DPH5: variants seen among roughly 807,000 people sequenced by gnomAD.
DPH5 encodes diphthine methyl ester synthase.
In DPH5, 31 loss-of-function variants were observed where a neutral mutation model predicts 31.6. That is an observed-to-expected ratio of 0.98 (90% CI 0.74 to 1.32). The LOEUF is 1.32. Ranked by LOEUF, DPH5 falls within the 40% of genes most tolerant of loss-of-function variation. The pLI is 0.00. For missense variants in DPH5, 309 were observed against 335.7 expected (o/e 0.92, Z 0.62); for synonymous variants, 120 against 115.0 (o/e 1.04, Z -0.28).
intron 4 of DPH5, among the ~76,000 whole-genome samples, chr1:101,011,047 A>T (rs1189897216): frequency 2.0e-5 from 3 of 152,204 alleles, no homozygotes; most frequent in African/African-American, 7.2e-5. Context: ...ATAAATACTA[A>T]GTCTGAGAAC....
At chr1:101,013,652 G>T in intron 4 of DPH5, 58 bp downstream of exon 4, 1 of 1,150,068 alleles carries the variant, frequency 8.7e-7, no homozygotes, top group South Asian at 1.5e-5. Flanking sequence ...TTTTCAATTT[G>T]TGGAAAAATA....
In DPH5 at chr1:101,002,784, C is replaced by T. The variant is rs184366893; in HGVS notation, c.370-1197G>A. Among the ~76,000 whole-genome samples the T allele has an allele frequency of 6.3e-3, 956 of 152,148 alleles. 15 individuals are homozygous for T. The highest frequency in any genetic ancestry group is 0.02 in the African/African-American group (830 of 41,510). ...AGCAAGGATTAGTCATCCTCTGCTT[C>T]CAGTAGCCTAAGGCTTTTCAAATCA... On this transcript the variant is annotated intron_variant, in intron 4 of 7. Coordinates refer to ENST00000370109, the MANE Select transcript of DPH5 (RefSeq NM_015958.3).
Position 101,021,778 on chromosome 1 carries a change from G to A in DPH5, c.136-13C>T, listed in dbSNP as rs185104869. 53 of 1,585,692 alleles carry A rather than the reference G, an allele frequency of 3.3e-5. No homozygotes were observed. In the East Asian group the frequency reaches 1.2e-3, roughly 36 times the overall value. On this transcript the variant is annotated splice_polypyrimidine_tract_variant and intron_variant, in intron 2 of 7. Coordinates refer to ENST00000370109, the MANE Select transcript of DPH5 (RefSeq NM_015958.3). ...CATAAAACTCTTCCTACAGATATAA[G>A]TCCAATATCAAGATAAAGAGACAGC...
chr1:101,024,972 C>T (rs925030773), intron 2 of DPH5: 79 of 217,726 alleles, frequency 3.6e-4, no homozygotes, highest in African/African-American at 1.8e-3. Context: ...GCTGTGTCAG[C>T]TCCTCATTAG....
At chr1:100,999,717 T>C (rs1398462599) in intron 5 of DPH5, among the ~76,000 whole-genome samples, 2 of 151,972 alleles carry the variant, frequency 1.3e-5, no homozygotes, top group African/African-American at 4.8e-5. Flanking sequence ...CAGGCACCTG[T>C]AATCCCAGTT....
intron 6 of DPH5, among the ~76,000 whole-genome samples, chr1:100,993,421 G>A (rs1287994989): frequency 2.7e-5 from 4 of 150,856 alleles, no homozygotes; most frequent in Non-Finnish European, 5.9e-5. Flanking sequence ...GCTTGGTGGC[G>A]CACGCCTGTA....
Position 101,021,854 on chromosome 1 carries a change from AC to A in DPH5, c.136-90del, listed in dbSNP as rs1660479667. Reference sequence around the variant, plus strand: ...CACACACACACACACACACACACACACACACTCTTTGTTTGGGACTGGTGCA... The same window carrying A: ...CACACACACACACACACACACACACAACACTCTTTGTTTGGGACTGGTGCA... On this transcript the variant is annotated intron_variant, in intron 2 of 7. Coordinates refer to ENST00000370109, the MANE Select transcript of DPH5 (RefSeq NM_015958.3). 5.3e-6 allele frequency: 6 copies of A among 1,124,912 alleles called. No homozygotes were observed. In the African/African-American group the frequency reaches 9.9e-5, roughly 19 times the overall value. The allele number at this position is 1,124,912 out of a possible 1,614,324, so 69.7% of individuals were successfully genotyped here.
At chr1:101,014,949 C>G (rs74106949) in intron 3 of DPH5, among the ~76,000 whole-genome samples, 17,297 of 152,214 alleles carry the variant, frequency 0.11, 1,036 homozygotes, top group Middle Eastern at 0.2. Context: ...TCCTTCATAT[C>G]TTCAGGCTCC....
intron 5 of DPH5, among the ~76,000 whole-genome samples, chr1:100,998,904 G>A (rs1658616486): frequency 1.3e-5 from 2 of 152,166 alleles, no homozygotes; most frequent in Admixed American, 1.3e-4. Flanking sequence ...AAAGGGGGCA[G>A]GCAGCAAATA....
rs1657539682 is a variant in DPH5, at chr1:100,990,208, A to G, written c.*200T>C. The stretch of plus-strand genomic sequence containing the variant: ...CCAGTAGGGGAAATGCCAGGCACTT[A>G]TAAAACCATCAGATCTCATGAAAGC... On this transcript the variant is annotated 3_prime_UTR_variant, in exon 8 of 8. Transcript: ENST00000370109. 1 of 578,070 alleles carries G rather than the reference A, an allele frequency of 1.7e-6. No individual in the cohort carries two copies. The highest frequency in any genetic ancestry group is 3.1e-5 in the Admixed American group (1 of 32,402). The allele number at this position is 578,070 out of a possible 1,614,324, so 35.8% of individuals were successfully genotyped here.
At chr1:101,008,354 G>GAA (rs1659385938) in intron 4 of DPH5, among the ~76,000 whole-genome samples, 1 of 152,146 alleles carries the variant, frequency 6.6e-6, no homozygotes, top group Admixed American at 6.5e-5. Context: ...ATACATCATG[G>GAA]TGTGGTTTGA....
intron 2 of DPH5, chr1:101,022,959 C>A (rs368583477): frequency 6.6e-6 from 1 of 152,286 alleles, no homozygotes; most frequent in African/African-American, 2.4e-5. Flanking sequence ...CTTTGGAGGC[C>A]GAGGCAGGTG....
At chr1:100,998,313 C>T (rs1395876299) in intron 5 of DPH5, among the ~76,000 whole-genome samples, 2 of 151,982 alleles carry the variant, frequency 1.3e-5, no homozygotes, top group African/African-American at 2.4e-5. Context: ...GGGTTTGAGA[C>T]CAGCCTGGTT....
chr1:100,992,132 T>C (rs910666780), intron 7 of DPH5, among the ~76,000 whole-genome samples: 1 of 151,864 alleles, frequency 6.6e-6, no homozygotes, highest in African/African-American at 2.4e-5. Context: ...TAAAGATTTA[T>C]TGACAATAAA....
At chr1:100,997,102 G>A (rs1271407707) in intron 5 of DPH5, among the ~76,000 whole-genome samples, 1 of 152,162 alleles carries the variant, frequency 6.6e-6, no homozygotes, top group Non-Finnish European at 1.5e-5. Flanking sequence ...GACAACTCAA[G>A]AGCCACATTT....
At chr1:101,021,596 A>C (rs780680694) in intron 3 of DPH5, 45 bp downstream of exon 3, 11 of 1,575,236 alleles carry the variant, frequency 7.0e-6, no homozygotes, top group Middle Eastern at 1.7e-4. Flanking sequence ...ACTGATTAAA[A>C]AAAAGTAAAT....
At position 101,001,512 on chromosome 1, in the gene DPH5, C is replaced by T; in HGVS notation, c.445G>A (p.Val149Met). 2.5e-6 allele frequency: 4 copies of T among 1,613,504 alleles called. No homozygotes were observed. In the South Asian group the frequency reaches 4.4e-5, roughly 18 times the overall value. Reference sequence around the variant, plus strand: ...ATGCCATTTTGTCTGTTCTTCTTCACTTTGTCAAAGAAGCTTTCTGGTCTC... The same window carrying T: ...ATGCCATTTTGTCTGTTCTTCTTCATTTTGTCAAAGAAGCTTTCTGGTCTC... ...TWRPESFFDKVKKNRQNGMHT... is the reference protein window; with the variant it reads ...TWRPESFFDKMKKNRQNGMHT... Residue 149 changes from valine (V) to methionine (M), a missense_variant, in exon 5 of 8, where the codon GTG becomes ATG. Physicochemically the swap from Val to Met is conservative, Grantham distance 21. Coordinates refer to ENST00000370109, the MANE Select transcript of DPH5 (RefSeq NM_015958.3).
At chr1:100,992,833 C>T in intron 6 of DPH5, 93 bp from the exon 7 acceptor site, 4 of 768,082 alleles carry the variant, frequency 5.2e-6, no homozygotes, top group Non-Finnish European at 8.9e-6. Flanking sequence ...TACTCAAGTA[C>T]CACAGTCTAC....
chr1:100,990,701 T>A (rs1285037865), intron 7 of DPH5, 70 bp from the exon 8 acceptor site: 1 of 1,423,772 alleles, frequency 7.0e-7, no homozygotes, highest in Non-Finnish European at 9.8e-7. Flanking sequence ...CAAACAAACA[T>A]TAGTACCACA....
Sources: gnomAD v4.1 joint callset for allele counts (sites outside exome capture counted in the v4.1 genomes callset) on GRCh38, gnomAD v4.1.1 for gene constraint, MANE v1.5 for transcripts, NCBI Gene and HGNC (gene_info 2026-07-23, HGNC 2026-07-21) for gene names.